The following PTPRE variants were observed in gnomAD, a reference collection of about 807,000 sequenced individuals.
PTPRE encodes the protein receptor-type tyrosine-protein phosphatase epsilon.
In PTPRE, 51 loss-of-function variants were observed where a neutral mutation model predicts 102.0. That is an observed-to-expected ratio of 0.50 (90% confidence interval 0.40 to 0.63). PTPRE has a LOEUF of 0.63. Ranked by LOEUF, PTPRE falls within the 30% of genes least tolerant of loss-of-function variation. The pLI is 0.00. For synonymous variants in PTPRE, 345 were observed against 348.2 expected, an observed-to-expected ratio of 0.99 and a Z score of 0.10; for missense variants, 752 against 915.1, an observed-to-expected ratio of 0.82 and a Z score of 2.30.
At chr10:128,066,556 C>T (rs913157820) in intron 11 of PTPRE, among the ~76,000 whole-genome samples, 1 of 152,158 alleles carries the variant, frequency 6.6e-6, no homozygotes, top group Non-Finnish European at 1.5e-5. Flanking sequence ...TAACACTTTC[C>T]GAATTCTGTC....
At chr10:127,985,007 G>A (rs1358727460) in intron 2 of PTPRE, among the ~76,000 whole-genome samples, 1 of 152,180 alleles carries the variant, frequency 6.6e-6, no homozygotes, top group Non-Finnish European at 1.5e-5. Context: ...ATCTATTAAT[G>A]GAAGGGAACT....
intron 19 of PTPRE, 146 bp downstream of exon 19, chr10:128,077,929 G>A: frequency 1.2e-6 from 1 of 843,494 alleles, no homozygotes; most frequent in South Asian, 2.0e-5. Context: ...TTACACACAT[G>A]CACACACGAC....
At chr10:128,069,951 C>T in intron 13 of PTPRE, 124 bp downstream of exon 13, 1 of 1,465,036 alleles carries the variant, frequency 6.8e-7, no homozygotes, top group Non-Finnish European at 9.4e-7. Context: ...CCTGGCCTGG[C>T]TTCGCTCCCC....
intron 20 of PTPRE, among the ~76,000 whole-genome samples, chr10:128,081,097 C>A (rs937488411): frequency 1.4e-4 from 22 of 152,026 alleles, no homozygotes; most frequent in Non-Finnish European, 5.9e-5. Context: ...AAGGGAAAGG[C>A]TTAACTAGTA....
In PTPRE at chr10:128,083,103, A is replaced by G. The variant is rs1330390499; in HGVS notation, c.*197A>G. ...AAAATTGGAATAATGTATTAAGGTC[A>G]AATAATATCCCATAAAATATATATT... On this transcript the variant is annotated 3_prime_UTR_variant, in exon 21 of 21. Transcript: ENST00000254667. 7.8e-6 allele frequency: 3 copies of G among 385,060 alleles called. No homozygotes were observed. The highest frequency in any genetic ancestry group is 1.3e-5 in the Non-Finnish European group (3 of 223,374). The allele number at this position is 385,060 out of a possible 1,614,324, so 23.9% of individuals were successfully genotyped here. A position where few individuals can be genotyped will look rare whatever the true frequency, so the allele number is the denominator to read the frequency against.
intron 1 of PTPRE, among the ~76,000 whole-genome samples, chr10:127,908,794 C>A (rs1438285708): frequency 6.6e-6 from 1 of 152,232 alleles, no homozygotes; most frequent in East Asian, 1.9e-4. Context: ...GTTGGTGATG[C>A]CTGTGAGTCA....
chr10:128,027,219 G>A (rs971512212), intron 2 of PTPRE, among the ~76,000 whole-genome samples: 18 of 152,244 alleles, frequency 1.2e-4, no homozygotes, highest in Non-Finnish European at 1.0e-4. Context: ...TGTATTATTA[G>A]CAATTATTCT....
intron 2 of PTPRE, among the ~76,000 whole-genome samples, chr10:128,014,299 T>A (rs1845254075): frequency 6.6e-6 from 1 of 152,202 alleles, no homozygotes; most frequent in Non-Finnish European, 1.5e-5. Context: ...CTCTCCTTAG[T>A]TGCAATTTGG....
At chr10:127,970,087 A>C (rs1455510019) in intron 1 of PTPRE, among the ~76,000 whole-genome samples, 1 of 152,074 alleles carries the variant, frequency 6.6e-6, no homozygotes, top group Non-Finnish European at 1.5e-5. Flanking sequence ...ACTTACACAC[A>C]CGCGTAAAAA....
At chr10:127,909,055 C>A (rs978243000) in intron 1 of PTPRE, among the ~76,000 whole-genome samples, 45 of 152,320 alleles carry the variant, frequency 3.0e-4, no homozygotes, top group Admixed American at 1.7e-3. Flanking sequence ...CACACAGAGG[C>A]CACCTCTCAT....
At chr10:128,025,515 C>T (rs377754532) in intron 2 of PTPRE, among the ~76,000 whole-genome samples, 3 of 152,196 alleles carry the variant, frequency 2.0e-5, no homozygotes, top group African/African-American at 4.8e-5. Flanking sequence ...ACATCACCTC[C>T]GCAGTCATCC....
At chr10:128,076,830 C>G in intron 18 of PTPRE, 102 bp downstream of exon 18, 1 of 1,504,426 alleles carries the variant, frequency 6.6e-7, no homozygotes. Flanking sequence ...CTGCACCTGT[C>G]CTGCTCCTTC....
At chr10:128,013,893 G>A (rs1419325453) in intron 2 of PTPRE, among the ~76,000 whole-genome samples, 10 of 152,126 alleles carry the variant, frequency 6.6e-5, no homozygotes, top group African/African-American at 4.8e-5. Context: ...CGAAGGCAGG[G>A]CTGTGTTTGT....
At chr10:128,003,638 C>T (rs1854208182) in intron 2 of PTPRE, among the ~76,000 whole-genome samples, 1 of 152,180 alleles carries the variant, frequency 6.6e-6, no homozygotes, top group South Asian at 2.1e-4. Context: ...GCGCGGACAT[C>T]AGGCTCTGGA....
In PTPRE at chr10:127,984,370, C is replaced by T. The variant is rs111833969; in HGVS notation, c.-8+2074C>T. The stretch of plus-strand genomic sequence containing the variant: ...CGCTGGGATTACAAGCATGAGCCAC[C>T]GCGCCTGGCCCTGCCTCCATTTCAG... On this transcript the variant is annotated intron_variant, in intron 2 of 20. Transcript: ENST00000254667. Among the ~76,000 whole-genome samples the T allele has an allele frequency of 6.5e-3, 984 of 152,240 alleles. 15 individuals carry two copies. The highest frequency in any genetic ancestry group is 0.023 in the African/African-American group (950 of 41,540).
intron 1 of PTPRE, among the ~76,000 whole-genome samples, chr10:127,910,808 G>A (rs1845818338): frequency 6.6e-6 from 1 of 152,346 alleles, no homozygotes; most frequent in South Asian, 2.1e-4. Context: ...TTGAGGCCGG[G>A]TGCAATGGTT....
At chr10:128,073,298 A>G (rs1428426289) in intron 16 of PTPRE, 39 bp from the exon 17 acceptor site, 2 of 1,611,154 alleles carry the variant, frequency 1.2e-6, no homozygotes, top group African/African-American at 1.3e-5. Flanking sequence ...GCCAGGATGG[A>G]AGGAAGTCAG....
chr10:128,061,097 T>A, intron 8 of PTPRE, 82 bp downstream of exon 8: 1 of 1,394,360 alleles, frequency 7.2e-7, no homozygotes, highest in Non-Finnish European at 1.0e-6. Context: ...GCCCGGAGTG[T>A]AAATTGTCAC....
intron 1 of PTPRE, chr10:127,965,026 C>T (rs1850136442): frequency 2.2e-6 from 1 of 456,522 alleles, no homozygotes; most frequent in South Asian, 1.5e-5. Context: ...TTTTAAGCAT[C>T]TTTTTTCCTA....
Sources: gnomAD v4.1 joint callset for allele counts (sites outside exome capture counted in the v4.1 genomes callset) on GRCh38, gnomAD v4.1.1 for gene constraint, MANE v1.5 for transcripts, NCBI Gene and HGNC (gene_info 2026-07-23, HGNC 2026-07-21) for gene names.